QTMAN: variants seen among roughly 807,000 people sequenced by gnomAD.
QTMAN encodes queuosine-tRNA mannosyltransferase.
the QTMAN span, among the ~76,000 whole-genome samples, chr2:144,239,327 T>A: frequency 1.3e-5 from 2 of 152,218 alleles, no homozygotes; most frequent in East Asian, 3.8e-4. Context: ...CTCTTAAAAC[T>A]AACTTCCCAA....
chr2:143,982,618 T>C, the QTMAN span, among the ~76,000 whole-genome samples: 1 of 151,244 alleles, frequency 6.6e-6, no homozygotes. Context: ...CCCAGTACTT[T>C]GGCAGGCTGA....
At chr2:143,973,343 C>T in the QTMAN span, among the ~76,000 whole-genome samples, 1 of 151,954 alleles carries the variant, frequency 6.6e-6, no homozygotes, top group Admixed American at 6.5e-5. Flanking sequence ...AGCAATACTT[C>T]TAAAAATTAT....
the QTMAN span, among the ~76,000 whole-genome samples, chr2:144,193,545 A>T: frequency 6.6e-6 from 1 of 150,958 alleles, no homozygotes; most frequent in African/African-American, 2.4e-5. Context: ...TAAAGAGAGA[A>T]GGTCTCGCTC....
the QTMAN span, among the ~76,000 whole-genome samples, chr2:144,020,131 G>C: frequency 6.6e-6 from 1 of 152,132 alleles, no homozygotes. Context: ...GGAAAGGGAA[G>C]AGCATGGTCC....
At chr2:144,103,869 C>T in the QTMAN span, among the ~76,000 whole-genome samples, 1 of 152,106 alleles carries the variant, frequency 6.6e-6, no homozygotes, top group African/African-American at 2.4e-5. Flanking sequence ...GTGGGTGGAT[C>T]ACTTGAGGTC....
chr2:144,005,380 C>T, the QTMAN span, among the ~76,000 whole-genome samples: 5 of 152,102 alleles, frequency 3.3e-5, no homozygotes, highest in Admixed American at 6.6e-5. Context: ...CGGGAACCTG[C>T]GGATGATGCA....
the QTMAN span, among the ~76,000 whole-genome samples, chr2:144,300,661 C>T: frequency 1.3e-5 from 2 of 152,202 alleles, no homozygotes; most frequent in African/African-American, 4.8e-5. Flanking sequence ...TTAAGATATA[C>T]ATAATATACG....
At chr2:144,171,979 G>A in the QTMAN span, among the ~76,000 whole-genome samples, 7 of 152,026 alleles carry the variant, frequency 4.6e-5, no homozygotes, top group African/African-American at 7.2e-5. Flanking sequence ...TAAAAAATAC[G>A]CTTCACATTT....
the QTMAN span, among the ~76,000 whole-genome samples, chr2:144,040,318 T>C: frequency 6.6e-6 from 1 of 152,118 alleles, no homozygotes; most frequent in African/African-American, 2.4e-5. Context: ...TGTACCCTCA[T>C]GATTGTCTTA....
At chr2:144,274,185 C>A in the QTMAN span, among the ~76,000 whole-genome samples, 1 of 152,148 alleles carries the variant, frequency 6.6e-6, no homozygotes, top group Admixed American at 6.5e-5. Context: ...TGGCATAGAG[C>A]TCCTAGAGCC....
At chr2:144,233,454 G>A in the QTMAN span, among the ~76,000 whole-genome samples, 1 of 152,188 alleles carries the variant, frequency 6.6e-6, no homozygotes, top group Non-Finnish European at 1.5e-5. Flanking sequence ...AGGAAGAGAA[G>A]AGGGGGAAAT....
chr2:144,251,935 C>T, the QTMAN span, among the ~76,000 whole-genome samples: 12 of 152,210 alleles, frequency 7.9e-5, no homozygotes, highest in African/African-American at 2.6e-4. Flanking sequence ...CTGGCTCACA[C>T]TTGTAATCCC....
At chr2:144,318,154 A>G in the QTMAN span, among the ~76,000 whole-genome samples, 4 of 151,486 alleles carry the variant, frequency 2.6e-5, no homozygotes, top group South Asian at 2.1e-4. Flanking sequence ...AATTTACCTT[A>G]TCTATAAGGT....
At chr2:144,203,093 A>G in the QTMAN span, among the ~76,000 whole-genome samples, 1 of 152,170 alleles carries the variant, frequency 6.6e-6, no homozygotes. Flanking sequence ...GATGAAGCCT[A>G]GAAACCATCC....
the QTMAN span, among the ~76,000 whole-genome samples, chr2:144,109,274 G>C: frequency 6.6e-6 from 1 of 152,116 alleles, no homozygotes; most frequent in Non-Finnish European, 1.5e-5. Context: ...TGACAAACCT[G>C]ACAAAAACAA....
the QTMAN span, among the ~76,000 whole-genome samples, chr2:144,079,725 A>C: frequency 6.6e-6 from 1 of 152,088 alleles, no homozygotes; most frequent in Non-Finnish European, 1.5e-5. Flanking sequence ...CAAAAAAATG[A>C]ATCAAGTTCA....
the QTMAN span, among the ~76,000 whole-genome samples, chr2:144,133,221 A>AT: frequency 1.3e-5 from 1 of 75,944 alleles, no homozygotes; most frequent in African/African-American, 6.1e-5. Flanking sequence ...ATACATATAT[A>AT]AATATATATT....
the QTMAN span, among the ~76,000 whole-genome samples, chr2:144,279,825 A>G: frequency 6.6e-6 from 1 of 152,210 alleles, no homozygotes; most frequent in Non-Finnish European, 1.5e-5. Flanking sequence ...TTCCCAGAGC[A>G]GGGGCTAGGG....
the QTMAN span, among the ~76,000 whole-genome samples, chr2:144,065,709 A>C: frequency 6.6e-6 from 1 of 152,098 alleles, no homozygotes; most frequent in Non-Finnish European, 1.5e-5. Context: ...TTATAAGTTT[A>C]AGTGTGCTGT....
Sources: allele counts gnomAD v4.1 joint callset (sites outside exome capture counted in the v4.1 genomes callset), GRCh38; gene constraint gnomAD v4.1.1; transcripts MANE v1.5; gene names NCBI Gene and HGNC (gene_info 2026-07-23, HGNC 2026-07-21).